Variants in ZNF804A observed in about 807,000 individuals in gnomAD.
ZNF804A encodes the protein zinc finger protein 804A.
ZNF804A carries 2 observed loss-of-function variants against 16.5 expected under a neutral mutation model. That is an observed-to-expected ratio of 0.12 (90% CI 0.05 to 0.38). The LOEUF (loss-of-function observed/expected upper bound fraction) is 0.38. Ranked by LOEUF, ZNF804A falls within the 10% of genes least tolerant of loss-of-function variation. The pLI, the probability that ZNF804A is intolerant of heterozygous loss-of-function variation, is 0.99. For missense variants in ZNF804A, 1,473 were observed against 1,390.7 expected (o/e 1.06, Z -0.94); for synonymous variants, 534 against 489.6 (o/e 1.09, Z -1.20).
intron 1 of ZNF804A, among the ~76,000 whole-genome samples, chr2:184,818,193 G>C (rs1033981537): frequency 2.6e-5 from 4 of 152,020 alleles, no homozygotes; most frequent in African/African-American, 9.7e-5. Flanking sequence ...AATCTCATCA[G>C]ACTAACAGTG....
chr2:184,757,595 A>T (rs1464090646), intron 1 of ZNF804A, among the ~76,000 whole-genome samples: 1 of 151,952 alleles, frequency 6.6e-6, no homozygotes, highest in Non-Finnish European at 1.5e-5. Flanking sequence ...GTATCTATGG[A>T]AAATTATAAC....
At chr2:184,912,829 T>A (rs1195337530) in intron 2 of ZNF804A, among the ~76,000 whole-genome samples, 1 of 152,116 alleles carries the variant, frequency 6.6e-6, no homozygotes, top group Non-Finnish European at 1.5e-5. Context: ...TTCTGGATAC[T>A]TGGCCTTTAT....
At chr2:184,898,239 A>C (rs768036101) in intron 2 of ZNF804A, among the ~76,000 whole-genome samples, 3 of 152,156 alleles carry the variant, frequency 2.0e-5, no homozygotes, top group African/African-American at 7.2e-5. Context: ...TTGTGATTCT[A>C]TCTGCACATA....
intron 2 of ZNF804A, among the ~76,000 whole-genome samples, chr2:184,872,786 T>C (rs1695995924): frequency 6.6e-6 from 1 of 152,164 alleles, no homozygotes; most frequent in Admixed American, 6.6e-5. Context: ...TAAGAATGAA[T>C]ACGGTCCTGA....
intron 2 of ZNF804A, among the ~76,000 whole-genome samples, chr2:184,881,333 T>A (rs79954235): frequency 0.062 from 9,393 of 151,536 alleles, 992 homozygotes; most frequent in African/African-American, 0.21. Context: ...ACAAGCAACT[T>A]GGAAAACGTA....
intron 1 of ZNF804A, 46 bp from the exon 2 acceptor site, chr2:184,866,323 A>G: frequency 6.3e-7 from 1 of 1,597,792 alleles, no homozygotes; most frequent in Non-Finnish European, 8.6e-7. Flanking sequence ...CAAAGTAAAC[A>G]CAGGGGAGAG....
intron 1 of ZNF804A, among the ~76,000 whole-genome samples, chr2:184,715,523 G>A (rs1176459903): frequency 2.0e-5 from 3 of 151,898 alleles, no homozygotes; most frequent in African/African-American, 7.3e-5. Context: ...ATATAGCTAG[G>A]ACTACAGGCA....
intron 2 of ZNF804A, among the ~76,000 whole-genome samples, chr2:184,891,393 C>T (rs1684981576): frequency 6.6e-6 from 1 of 152,054 alleles, no homozygotes; most frequent in Non-Finnish European, 1.5e-5. Context: ...TACATTATAC[C>T]AATGTTGGCA....
In ZNF804A at chr2:184,933,714, C is replaced by T. The variant is rs781594103; in HGVS notation, c.367C>T (p.Leu123=). The part of the protein sequence containing the change: ...ALQRLHKLAE[L]RKETVCAPGS... Reference sequence around the variant, plus strand: ...CCAACGCCTGCACAAGCTGGCTGAGCTAAGAAAGGAAACTGTATGGTGAGT... The same window carrying T: ...CCAACGCCTGCACAAGCTGGCTGAGTTAAGAAAGGAAACTGTATGGTGAGT... The change falls in exon 3 of 4, where the codon CTA becomes TTA. Residue 123 remains leucine (L), a synonymous_variant. Transcript: ENST00000302277. 1.1e-5 allele frequency: 18 copies of T among 1,600,316 alleles called. No homozygotes were observed. Among genetic ancestry groups the T allele is most frequent in the Admixed American group, 3.6e-5 (2 of 56,152 alleles).
chr2:184,926,353 T>C (rs966665853), intron 2 of ZNF804A, among the ~76,000 whole-genome samples: 1 of 152,068 alleles, frequency 6.6e-6, no homozygotes, highest in Middle Eastern at 3.2e-3. Context: ...CAGTTTCCAT[T>C]GAAATGGCTG....
intron 1 of ZNF804A, among the ~76,000 whole-genome samples, chr2:184,854,682 A>C (rs1486106753): frequency 2.6e-5 from 4 of 152,034 alleles, no homozygotes; most frequent in African/African-American, 7.2e-5. Flanking sequence ...AACCTGAAGA[A>C]AGAGAAGGAT....
chr2:184,716,116 G>T (rs1435050464), intron 1 of ZNF804A, among the ~76,000 whole-genome samples: 1 of 152,030 alleles, frequency 6.6e-6, no homozygotes, highest in East Asian at 1.9e-4. Flanking sequence ...GCATTATATA[G>T]CTTTTAATTT....
At chr2:184,913,358 G>A (rs1165638938) in intron 2 of ZNF804A, among the ~76,000 whole-genome samples, 4 of 152,064 alleles carry the variant, frequency 2.6e-5, no homozygotes, top group Non-Finnish European at 4.4e-5. Context: ...CTTTACCAGT[G>A]TACTTTATTT....
chr2:184,817,955 GAGAATGGAACCAATTTGA>G (rs1319218608), intron 1 of ZNF804A, among the ~76,000 whole-genome samples: 9 of 151,998 alleles, frequency 5.9e-5, no homozygotes, highest in African/African-American at 2.2e-4. Context: ...AAAGAGACAG[GAGAATGGAACCAATTTGA>G]AAAACATACT....
At chr2:184,653,595 G>T (rs771231735) in intron 1 of ZNF804A, among the ~76,000 whole-genome samples, 1 of 152,154 alleles carries the variant, frequency 6.6e-6, no homozygotes, top group Non-Finnish European at 1.5e-5. Context: ...TTAGACTTTG[G>T]GTTTTATATA....
At chr2:184,831,751 A>G (rs886166774) in intron 1 of ZNF804A, among the ~76,000 whole-genome samples, 2 of 151,764 alleles carry the variant, frequency 1.3e-5, no homozygotes, top group African/African-American at 2.4e-5. Context: ...AAAAAAAGCA[A>G]CCACTACAAC....
intron 1 of ZNF804A, among the ~76,000 whole-genome samples, chr2:184,718,117 A>T (rs1366410479): frequency 2.0e-5 from 3 of 152,240 alleles, no homozygotes; most frequent in Non-Finnish European, 4.4e-5. Flanking sequence ...CCTCATAATC[A>T]TGGTGGATGG....
intron 1 of ZNF804A, among the ~76,000 whole-genome samples, chr2:184,730,945 A>G (rs1371866628): frequency 2.2e-4 from 34 of 151,914 alleles, no homozygotes; most frequent in Non-Finnish European, 2.9e-5. Flanking sequence ...TACTTTGCTA[A>G]GAAACTGCTA....
At chr2:184,803,696 A>G (rs1694758595) in intron 1 of ZNF804A, among the ~76,000 whole-genome samples, 1 of 152,150 alleles carries the variant, frequency 6.6e-6, no homozygotes, top group South Asian at 2.1e-4. Flanking sequence ...ATTGCAATTT[A>G]ATTCCTCATA....
Sources: allele counts gnomAD v4.1 joint callset (sites outside exome capture counted in the v4.1 genomes callset), GRCh38; gene constraint gnomAD v4.1.1; transcripts MANE v1.5; gene names NCBI Gene and HGNC (gene_info 2026-07-23, HGNC 2026-07-21).